Variants in LUZP2 observed in about 807,000 individuals in gnomAD.
LUZP2 encodes the protein leucine zipper protein 2.
In LUZP2, 52 loss-of-function variants were observed where a neutral mutation model predicts 51.6. That is an observed-to-expected ratio of 1.01 (90% CI 0.81 to 1.27). LUZP2 has a LOEUF of 1.27. LUZP2 is among the 50% of genes most tolerant of loss of function. The pLI, the probability that LUZP2 is intolerant of heterozygous loss-of-function variation, is 0.00. For missense variants in LUZP2, 436 were observed against 395.4 expected, an observed-to-expected ratio of 1.10 and a Z score of -0.87; for synonymous variants, 154 against 137.3, an observed-to-expected ratio of 1.12 and a Z score of -0.85.
chr11:25,065,594 ATTC>A (rs768328798), intron 10 of LUZP2, among the ~76,000 whole-genome samples: 1 of 152,026 alleles, frequency 6.6e-6, no homozygotes, highest in African/African-American at 2.4e-5. Flanking sequence ...GTTTAACCTT[ATTC>A]TTCTTTGTCA....
chr11:24,785,853 G>A, intron 5 of LUZP2: 2 of 985,224 alleles, frequency 2.0e-6, no homozygotes, highest in Non-Finnish European at 2.4e-6. Flanking sequence ...TGCTGACTCT[G>A]GGAAATTGCT....
chr11:24,677,346 G>A (rs1219104416), intron 1 of LUZP2, among the ~76,000 whole-genome samples: 3 of 152,112 alleles, frequency 2.0e-5, no homozygotes, highest in African/African-American at 4.8e-5. Flanking sequence ...TAATTTTCCT[G>A]TGCTTATAAA....
chr11:24,759,524 G>A (rs1433573823), intron 4 of LUZP2, among the ~76,000 whole-genome samples: 1 of 152,010 alleles, frequency 6.6e-6, no homozygotes, highest in Admixed American at 6.6e-5. Flanking sequence ...ACATGGTAAT[G>A]TATTTTCATT....
At chr11:24,959,923 C>T (rs1855341756) in intron 7 of LUZP2, among the ~76,000 whole-genome samples, 1 of 152,100 alleles carries the variant, frequency 6.6e-6, no homozygotes, top group Non-Finnish European at 1.5e-5. Flanking sequence ...GAGATACGTC[C>T]CATCAATACC....
intron 7 of LUZP2, among the ~76,000 whole-genome samples, chr11:24,922,930 G>T (rs1854112692): frequency 7.3e-6 from 1 of 137,358 alleles, no homozygotes; most frequent in Non-Finnish European, 1.5e-5. Context: ...CTTACTGAAA[G>T]CTCCGCCTCC....
At chr11:24,971,671 T>A (rs536697969) in intron 7 of LUZP2, among the ~76,000 whole-genome samples, 1 of 152,300 alleles carries the variant, frequency 6.6e-6, no homozygotes, top group African/African-American at 2.4e-5. Context: ...TAATTATGGC[T>A]ACTCTGTATG....
intron 1 of LUZP2, among the ~76,000 whole-genome samples, chr11:24,564,572 A>G (rs1852155475): frequency 6.6e-6 from 1 of 152,138 alleles, no homozygotes; most frequent in Non-Finnish European, 1.5e-5. Context: ...ATCAAAAAGA[A>G]CAGCACATTT....
chr11:24,528,270 T>TA lies in LUZP2; in HGVS notation c.62+30975dup, dbSNP rs200207519. ...GATCCTCTTGAGAGAAGCACTGGTT[T>TA]AAAAAAAAAAGTTAAGTTTCCTTAC... On this transcript the variant is annotated intron_variant, in intron 1 of 11. Coordinates refer to ENST00000336930, the MANE Select transcript of LUZP2 (RefSeq NM_001009909.4). Among the ~76,000 whole-genome samples the TA allele has an allele frequency of 4.6e-3, 686 of 148,396 alleles. 4 individuals are homozygous for TA. The highest frequency in any genetic ancestry group is 0.016 in the African/African-American group (645 of 40,804).
rs766694486 is a variant in LUZP2, at chr11:24,817,654, G to A, written c.396+54346G>A. Among the ~76,000 whole-genome samples, 26 of 151,932 alleles carry A rather than the reference G, an allele frequency of 1.7e-4. No individual in the cohort carries two copies. The East Asian group carries it at 1.7e-3, about 10-fold the overall frequency. On this transcript the variant is annotated intron_variant, in intron 5 of 11. Coordinates refer to ENST00000336930, the MANE Select transcript of LUZP2 (RefSeq NM_001009909.4). The stretch of plus-strand genomic sequence containing the variant: ...CTGATAGTGAGAATTTACTTTCCTC[G>A]AAGTAGATGAATGAAATGAGGGATT...
At chr11:24,735,509 G>A (rs1858902419) in intron 3 of LUZP2, among the ~76,000 whole-genome samples, 1 of 151,842 alleles carries the variant, frequency 6.6e-6, no homozygotes, top group African/African-American at 2.4e-5. Context: ...GTATACTAAA[G>A]CACTTTACAA....
chr11:24,891,531 T>C (rs1271572943), intron 5 of LUZP2: 1 of 941,536 alleles, frequency 1.1e-6, no homozygotes, highest in Non-Finnish European at 1.3e-6. Flanking sequence ...AGATATATTC[T>C]ATATTTCTAG....
chr11:24,525,710 C>CTA lies in LUZP2; in HGVS notation c.62+28418_62+28419dup, dbSNP rs879862035. ...GCAAATTCTCTAATATGTTCTCTCT[C>CTA]TATATATATATATACACAGATATAC... On this transcript the variant is annotated intron_variant, in intron 1 of 11. Transcript: ENST00000336930. Among the ~76,000 whole-genome samples, 93 of 150,502 alleles carry CTA rather than the reference C, an allele frequency of 6.2e-4. 1 individual carries two copies. The highest frequency in any genetic ancestry group is 1.4e-3 in the East Asian group (7 of 5,142).
chr11:24,951,948 C>T (rs956310514), intron 7 of LUZP2, among the ~76,000 whole-genome samples: 38 of 151,736 alleles, frequency 2.5e-4, no homozygotes, highest in African/African-American at 9.2e-4. Context: ...TTATCACTAT[C>T]ACAATTTGCC....
intron 9 of LUZP2, among the ~76,000 whole-genome samples, chr11:25,031,092 A>G (rs1259248935): frequency 7.2e-6 from 1 of 138,534 alleles, no homozygotes; most frequent in Non-Finnish European, 1.5e-5. Flanking sequence ...ATCTCATGCA[A>G]CCTCCACCTC....
At chr11:24,786,094 G>A (rs932725507) in intron 5 of LUZP2, 59 of 985,150 alleles carry the variant, frequency 6.0e-5, no homozygotes, top group Non-Finnish European at 6.3e-5. Flanking sequence ...CCTGGTATAT[G>A]ACTGTATTTT....
intron 7 of LUZP2, among the ~76,000 whole-genome samples, chr11:24,961,738 T>A (rs1855415513): frequency 6.6e-6 from 1 of 151,964 alleles, no homozygotes; most frequent in South Asian, 2.1e-4. Context: ...AAGCATTTAG[T>A]CCATTTACAT....
chr11:24,617,355 C>A (rs1854323966), intron 1 of LUZP2, among the ~76,000 whole-genome samples: 1 of 151,996 alleles, frequency 6.6e-6, no homozygotes, highest in African/African-American at 2.4e-5. Context: ...CCTCTCTTTT[C>A]ATTTGTTTAG....
At chr11:24,962,587 A>G (rs1334778551) in intron 7 of LUZP2, among the ~76,000 whole-genome samples, 1 of 152,080 alleles carries the variant, frequency 6.6e-6, no homozygotes. Context: ...TTCTTCACGT[A>G]GTTCTTGAGC....
At chr11:24,613,606 G>A (rs982036) in intron 1 of LUZP2, among the ~76,000 whole-genome samples, 53,012 of 151,162 alleles carry the variant, frequency 0.35, 9,338 homozygotes, top group Middle Eastern at 0.42. Context: ...TATGTGGGAG[G>A]AAGCAACAAT....
Sources: gnomAD v4.1 joint callset for allele counts (sites outside exome capture counted in the v4.1 genomes callset) on GRCh38, gnomAD v4.1.1 for gene constraint, MANE v1.5 for transcripts, NCBI Gene and HGNC (gene_info 2026-07-23, HGNC 2026-07-21) for gene names.